The following CSMD1 variants were observed in gnomAD, a reference collection of about 807,000 sequenced individuals.
CSMD1 encodes CUB and Sushi multiple domains 1, also known as CUB and sushi domain-containing protein 1.
CSMD1 carries 213 observed loss-of-function variants against 417.5 expected under a neutral mutation model. The observed-to-expected ratio is 0.51, with a 90% confidence interval of 0.46 to 0.57. The LOEUF (loss-of-function observed/expected upper bound fraction) is 0.57. CSMD1 is among the 20% of genes least tolerant of loss of function. CSMD1 has a pLI of 0.00. For synonymous variants in CSMD1, 2,862 were observed against 1,736.8 expected, an observed-to-expected ratio of 1.65 and a Z score of -16.11; for missense variants, 6,923 against 4,529.7, an observed-to-expected ratio of 1.53 and a Z score of -15.17.
At chr8:4,096,447 C>A (rs770595918) in intron 3 of CSMD1, among the ~76,000 whole-genome samples, 1 of 152,070 alleles carries the variant, frequency 6.6e-6, no homozygotes, top group Non-Finnish European at 1.5e-5. Flanking sequence ...CCAGATGATC[C>A]CCATCTAAAA....
At chr8:4,825,277 C>T (rs1799759885) in intron 1 of CSMD1, among the ~76,000 whole-genome samples, 1 of 151,974 alleles carries the variant, frequency 6.6e-6, no homozygotes, top group African/African-American at 2.4e-5. Context: ...ACACAATCAC[C>T]CCACTCAAGG....
intron 52 of CSMD1, among the ~76,000 whole-genome samples, chr8:3,008,986 C>A (rs749361376): frequency 1.1e-4 from 16 of 152,296 alleles, no homozygotes; most frequent in Non-Finnish European, 2.2e-4. Flanking sequence ...AAATGGGTTC[C>A]CTGATTTGGA....
intron 3 of CSMD1, among the ~76,000 whole-genome samples, chr8:4,123,798 A>G (rs1802614855): frequency 6.6e-6 from 1 of 152,198 alleles, no homozygotes; most frequent in Non-Finnish European, 1.5e-5. Flanking sequence ...CCAAAATAAA[A>G]TATAATAGAG....
intron 10 of CSMD1, among the ~76,000 whole-genome samples, chr8:3,558,203 C>G (rs1021838392): frequency 2.0e-5 from 3 of 149,392 alleles, no homozygotes; most frequent in South Asian, 2.1e-4. Flanking sequence ...AATAGTGCCT[C>G]AGTAGTACCC....
Position 4,578,972 on chromosome 8 carries a change from A to G in CSMD1, c.302+58370T>C, listed in dbSNP as rs142046346. On this transcript the variant is annotated intron_variant, in intron 2 of 69. Transcript: ENST00000635120. ...TAATTAAAATGATTAACCTTTTTAA[A>G]CAGCATCTTTTCATTAATTAAATTG... 1.8e-4 allele frequency among the ~76,000 whole-genome samples: 27 copies of G among 152,136 alleles called. No homozygotes were observed. The East Asian group carries it at 5.1e-3, about 28-fold the overall frequency.
intron 1 of CSMD1, among the ~76,000 whole-genome samples, chr8:4,975,079 A>G (rs1225774583): frequency 6.6e-5 from 10 of 152,162 alleles, no homozygotes; most frequent in Non-Finnish European, 1.2e-4. Context: ...AAAATCTGCA[A>G]TAAACATTTA....
chr8:2,944,429 AG>A (rs1802084233), intron 68 of CSMD1, among the ~76,000 whole-genome samples: 1 of 152,218 alleles, frequency 6.6e-6, no homozygotes, highest in Non-Finnish European at 1.5e-5. Context: ...AACAGAGAGC[AG>A]TGGTGCCCTA....
At chr8:3,384,742 A>C (rs1810876306) in intron 18 of CSMD1, among the ~76,000 whole-genome samples, 1 of 124,806 alleles carries the variant, frequency 8.0e-6, no homozygotes, top group African/African-American at 3.1e-5. Context: ...TATTATATAA[A>C]TATATATTTA....
intron 3 of CSMD1, among the ~76,000 whole-genome samples, chr8:4,195,877 C>T (rs1434739322): frequency 1.3e-5 from 2 of 152,094 alleles, no homozygotes; most frequent in East Asian, 1.9e-4. Flanking sequence ...AGACTTACGG[C>T]AGAGGACTCA....
chr8:3,247,652 C>G (rs1041331419), intron 26 of CSMD1, among the ~76,000 whole-genome samples: 1 of 152,114 alleles, frequency 6.6e-6, no homozygotes, highest in Non-Finnish European at 1.5e-5. Flanking sequence ...CAGGCAAGGC[C>G]CCCGCCCCCA....
intron 1 of CSMD1, among the ~76,000 whole-genome samples, chr8:4,649,688 G>GA (rs1253384587): frequency 1.3e-5 from 2 of 151,904 alleles, no homozygotes; most frequent in Non-Finnish European, 2.9e-5. Context: ...ACATTAATTG[G>GA]AAAAAAAATT....
intron 10 of CSMD1, among the ~76,000 whole-genome samples, chr8:3,514,601 T>A (rs894122276): frequency 6.6e-6 from 1 of 152,246 alleles, no homozygotes; most frequent in Non-Finnish European, 1.5e-5. Context: ...GTGTATTTGT[T>A]TTAATGTGAC....
Position 3,509,952 on chromosome 8 carries a change from G to A in CSMD1, c.1345-16226C>T, listed in dbSNP as rs77184005. Among the ~76,000 whole-genome samples, 134 of 152,268 alleles carry A rather than the reference G, an allele frequency of 8.8e-4. No homozygotes were observed. The East Asian group carries it at 0.024, about 27-fold the overall frequency. On this transcript the variant is annotated intron_variant, in intron 10 of 69. Transcript: ENST00000635120. ...GCTGGCATTTCAGCCTCTCCCATGTGCAGTTTCTTACTTGGTAAGTGTGTC... is the reference window on the plus strand; with the variant it reads ...GCTGGCATTTCAGCCTCTCCCATGTACAGTTTCTTACTTGGTAAGTGTGTC...
At chr8:3,582,652 C>A (rs755985289) in intron 9 of CSMD1, among the ~76,000 whole-genome samples, 1 of 152,206 alleles carries the variant, frequency 6.6e-6, no homozygotes, top group Admixed American at 6.5e-5. Context: ...ATGAGCTATG[C>A]TCTAAGTAGA....
At chr8:4,970,581 A>AT (rs369448922) in intron 1 of CSMD1, among the ~76,000 whole-genome samples, 3,736 of 151,476 alleles carry the variant, frequency 0.025, 101 homozygotes, top group African/African-American at 0.065. Context: ...AATGATCTTG[A>AT]TTTTTTTTTA....
At chr8:4,476,624 C>T (rs1800817379) in intron 2 of CSMD1, among the ~76,000 whole-genome samples, 1 of 152,148 alleles carries the variant, frequency 6.6e-6, no homozygotes, top group South Asian at 2.1e-4. Context: ...TTGAGACTGC[C>T]TTTAGAAATA....
rs377581855 is a variant in CSMD1, at chr8:3,396,266, C to G, written c.2521G>C (p.Gly841Arg). 3 of 1,589,610 alleles carry G rather than the reference C, an allele frequency of 1.9e-6. No homozygotes were observed. The African/African-American group carries it at 4.0e-5, about 21-fold the overall frequency. Residue 841 changes from glycine to arginine, a missense_variant, in exon 17 of 70, where the codon GGG becomes CGG. Physicochemically the swap from Gly to Arg is moderately radical, Grantham distance 125. Coordinates refer to ENST00000635120, the MANE Select transcript of CSMD1 (RefSeq NM_033225.6). ...TQAPQFLIST[G>R]NFMYLLFTTD... ...GTGAACAGCAGGTACATGAAGTTCC[C>G]GGTGCTGATGAGGAACTGGGGTGCC...
At chr8:4,733,022 T>C (rs1016645099) in intron 1 of CSMD1, among the ~76,000 whole-genome samples, 1 of 108,540 alleles carries the variant, frequency 9.2e-6, no homozygotes, top group Non-Finnish European at 2.1e-5. Flanking sequence ...ACGGTTTCTT[T>C]GGAAAAAAAA....
At chr8:4,149,346 A>G (rs1796446923) in intron 3 of CSMD1, among the ~76,000 whole-genome samples, 1 of 152,156 alleles carries the variant, frequency 6.6e-6, no homozygotes, top group African/African-American at 2.4e-5. Flanking sequence ...TCCAGTTTGC[A>G]TTTCTAAAAA....
Sources: allele counts gnomAD v4.1 joint callset (sites outside exome capture counted in the v4.1 genomes callset), GRCh38; gene constraint gnomAD v4.1.1; transcripts MANE v1.5; gene names NCBI Gene and HGNC (gene_info 2026-07-23, HGNC 2026-07-21).